Variants in WDFY4 observed in about 807,000 individuals in gnomAD.
WDFY4 encodes the protein WDFY family member 4, also known as WD repeat- and FYVE domain-containing protein 4.
A neutral mutation model predicts 351.9 loss-of-function variants in WDFY4; 169 were observed. The ratio of observed to expected loss-of-function variants is 0.48; its 90% CI spans 0.42 to 0.55. WDFY4 has a LOEUF of 0.55. Ranked by LOEUF, WDFY4 falls within the 20% of genes least tolerant of loss-of-function variation. The pLI is 0.00. For synonymous variants in WDFY4, 1,622 were observed against 1,574.6 expected, an observed-to-expected ratio of 1.03 and a Z score of -0.71; for missense variants, 3,803 against 3,935.6, an observed-to-expected ratio of 0.97 and a Z score of 0.90.
chr10:48,837,750 GC>G (rs2068452662), intron 39 of WDFY4, among the ~76,000 whole-genome samples: 1 of 152,156 alleles, frequency 6.6e-6, no homozygotes, highest in Admixed American at 6.5e-5. Flanking sequence ...GTGACTTCCA[GC>G]CCTTAAAGGG....
chr10:48,962,461 G>C (rs1841902493), intron 53 of WDFY4, among the ~76,000 whole-genome samples: 5 of 152,150 alleles, frequency 3.3e-5, no homozygotes, highest in Admixed American at 3.3e-4. Context: ...CTGAAGCTAG[G>C]TTCTATTCAG....
At chr10:48,825,717 C>CT (rs148611141) in intron 35 of WDFY4, among the ~76,000 whole-genome samples, 19 of 151,458 alleles carry the variant, frequency 1.3e-4, no homozygotes, top group Non-Finnish European at 2.5e-4. Context: ...TGATATGGCA[C>CT]TTTTTTTTTC....
At chr10:48,765,708 C>T (rs893822097) in intron 13 of WDFY4, among the ~76,000 whole-genome samples, 4 of 152,174 alleles carry the variant, frequency 2.6e-5, no homozygotes, top group African/African-American at 9.7e-5. Context: ...CTCCTGCCCC[C>T]CACCAAGTTA....
intron 39 of WDFY4, among the ~76,000 whole-genome samples, chr10:48,858,148 GAT>G (rs1379407169): frequency 6.6e-6 from 1 of 152,106 alleles, no homozygotes; most frequent in Non-Finnish European, 1.5e-5. Flanking sequence ...TCCTTTGATG[GAT>G]ATGTGTCTTA....
At chr10:48,760,481 G>A in intron 13 of WDFY4, 41 bp downstream of exon 13, 1 of 1,538,586 alleles carries the variant, frequency 6.5e-7, no homozygotes, top group South Asian at 1.2e-5. Flanking sequence ...ATCTTCACAT[G>A]ACTGATCTCT....
intron 39 of WDFY4, among the ~76,000 whole-genome samples, chr10:48,848,544 C>A (rs756663698): frequency 1.2e-4 from 18 of 152,104 alleles, no homozygotes; most frequent in Non-Finnish European, 1.9e-4. Flanking sequence ...CTCTTTAATC[C>A]TGACCCCTGG....
At chr10:48,720,414 G>A (rs984503786) in intron 3 of WDFY4, among the ~76,000 whole-genome samples, 7 of 151,730 alleles carry the variant, frequency 4.6e-5, no homozygotes, top group African/African-American at 1.7e-4. Flanking sequence ...ACACACAGAT[G>A]CTATACACAC....
At position 48,726,037 on chromosome 10, in the gene WDFY4, G is replaced by A. The variant is rs1443421746; in HGVS notation, c.748G>A (p.Ala250Thr). The change falls in exon 6 of 62, where the codon GCC becomes ACC. Residue 250 changes from alanine (A) to threonine (T), a missense_variant. By Grantham distance (58) the Ala-to-Thr change is moderately conservative. This residue lies in a region of WDFY4 where 488 missense variants were observed against 456.8 expected (regional missense o/e 1.07). Transcript: ENST00000325239. Reference sequence around the variant, plus strand: ...CTGCGTGCTAAGGGCAATCTCCAAGGCCCAGAACCTCAGCATCATCCAGTA... The same window carrying A: ...CTGCGTGCTAAGGGCAATCTCCAAGACCCAGAACCTCAGCATCATCCAGTA... ...TFCVLRAISK[A>T]QNLSIIQYLQ... 1 of 1,550,800 alleles carries A rather than the reference G, an allele frequency of 6.4e-7. No homozygotes were observed. Among genetic ancestry groups the A allele is most frequent in the African/African-American group, 1.4e-5 (1 of 73,026 alleles).
chr10:48,742,797 G>A (rs181989375), intron 11 of WDFY4, among the ~76,000 whole-genome samples, 171 bp from the exon 12 acceptor site: 16 of 152,284 alleles, frequency 1.1e-4, no homozygotes, highest in East Asian at 3.9e-4. Context: ...AACCTAAACC[G>A]TAAGAGGAAC....
chr10:48,840,865 A>G (rs1364196721), intron 39 of WDFY4, among the ~76,000 whole-genome samples: 3 of 152,176 alleles, frequency 2.0e-5, no homozygotes, highest in Non-Finnish European at 1.5e-5. Context: ...AACAAAGCAA[A>G]CACTGATACC....
chr10:48,810,022 AT>A (rs1169732947), intron 28 of WDFY4, among the ~76,000 whole-genome samples: 1 of 151,664 alleles, frequency 6.6e-6, no homozygotes, highest in East Asian at 2.0e-4. Context: ...CAGACTCATC[AT>A]TTTTGAAAGT....
intron 47 of WDFY4, among the ~76,000 whole-genome samples, chr10:48,926,325 TC>T (rs1839568004): frequency 6.6e-6 from 1 of 152,194 alleles, no homozygotes; most frequent in Non-Finnish European, 1.5e-5. Flanking sequence ...ATTGTCAGAG[TC>T]CCCAGAACTC....
intron 47 of WDFY4, among the ~76,000 whole-genome samples, chr10:48,920,819 A>G (rs1839005425): frequency 6.6e-6 from 1 of 152,264 alleles, no homozygotes; most frequent in African/African-American, 2.4e-5. Context: ...GCCATAGGAT[A>G]CAAGGTTAGC....
chr10:48,978,948 G>A (rs930370979), intron 60 of WDFY4: 1 of 152,686 alleles, frequency 6.5e-6, no homozygotes, highest in African/African-American at 2.4e-5. Flanking sequence ...CTTCTGAAAA[G>A]AGTAGACATT....
intron 43 of WDFY4, among the ~76,000 whole-genome samples, chr10:48,883,724 G>A (rs1268758832): frequency 6.6e-6 from 1 of 152,192 alleles, no homozygotes; most frequent in Non-Finnish European, 1.5e-5. Context: ...TGGGTGGCAT[G>A]CCTCTGGCAG....
At chr10:48,778,882 G>A (rs1276722749) in intron 18 of WDFY4, 50 bp downstream of exon 18, 1 of 1,535,090 alleles carries the variant, frequency 6.5e-7, no homozygotes, top group Non-Finnish European at 8.8e-7. Context: ...GGGGGAAATG[G>A]GGCTAAGTCA....
chr10:48,704,717 A>G (rs1438622517), intron 1 of WDFY4, among the ~76,000 whole-genome samples: 1 of 152,168 alleles, frequency 6.6e-6, no homozygotes, highest in Non-Finnish European at 1.5e-5. Flanking sequence ...TGGGCTGTCC[A>G]CAGACCTGGG....
intron 55 of WDFY4, chr10:48,967,285 C>G (rs1053879119): frequency 1.3e-5 from 2 of 152,234 alleles, no homozygotes; most frequent in African/African-American, 4.8e-5. Context: ...ATGGATGCTA[C>G]TACAGATTTG....
At chr10:48,740,312 C>T (rs1441831118) in intron 11 of WDFY4, among the ~76,000 whole-genome samples, 1 of 152,154 alleles carries the variant, frequency 6.6e-6, no homozygotes. Flanking sequence ...AAAGGAGGGA[C>T]CAAAACCACC....
Sources: gnomAD v4.1 joint callset for allele counts (sites outside exome capture counted in the v4.1 genomes callset) on GRCh38, gnomAD v4.1.1 for gene constraint, gnomAD v4.1.1 regional missense constraint, MANE v1.5 for transcripts, NCBI Gene and HGNC (gene_info 2026-07-23, HGNC 2026-07-21) for gene names.